Variants in MCCC1 observed in about 807,000 individuals in gnomAD.
MCCC1 encodes the protein methylcrotonoyl-CoA carboxylase subunit alpha, mitochondrial.
MCCC1 carries 64 observed loss-of-function variants against 83.8 expected under a neutral mutation model. That is an observed-to-expected ratio of 0.76 (90% CI 0.62 to 0.94). The LOEUF (loss-of-function observed/expected upper bound fraction) is 0.94, where lower values mean the gene tolerates loss of function less well. Among genes scored for constraint, MCCC1 ranks in the 40% least tolerant of loss-of-function variants. The pLI is 0.00. For missense variants in MCCC1, 807 were observed against 904.7 expected (o/e 0.89, Z 1.39); for synonymous variants, 322 against 315.4 (o/e 1.02, Z -0.22).
chr3:183,057,391 G>A lies in MCCC1; in HGVS notation c.793C>T (p.His265Tyr), dbSNP rs767642062. ...TCAAACAAGTACACAGCATTGCCAT[G>A]GTGATCACCAAACACCTGGACTTCT... ...HVEVQVFGDH[H>Y]GNAVYLFERD... Residue 265 changes from histidine to tyrosine, a missense_variant, in exon 8 of 19, where the codon CAT becomes TAT. His to Tyr is a moderately conservative substitution (Grantham distance 83). Transcript: ENST00000265594. 14 of 1,609,160 alleles carry A rather than the reference G, an allele frequency of 8.7e-6. No homozygotes were observed. In the Admixed American group the frequency reaches 1.5e-4, roughly 17 times the overall value.
intron 7 of MCCC1, among the ~76,000 whole-genome samples, chr3:183,070,742 A>T (rs1002461429): frequency 2.0e-5 from 3 of 152,172 alleles, no homozygotes; most frequent in Non-Finnish European, 4.4e-5. Context: ...CCAAAAAAAA[A>T]AAAAAATTCT....
chr3:183,077,248 T>C (rs1481716112), intron 4 of MCCC1, among the ~76,000 whole-genome samples: 1 of 152,236 alleles, frequency 6.6e-6, no homozygotes, highest in Non-Finnish European at 1.5e-5. Context: ...CTTTTGGGTA[T>C]ATACTGAAGA....
At chr3:183,025,712 C>A (rs1363157294) in intron 15 of MCCC1, 43 bp downstream of exon 15, 2 of 1,565,520 alleles carry the variant, frequency 1.3e-6, no homozygotes, top group Admixed American at 1.7e-5. Flanking sequence ...TAAAAGCGGT[C>A]AGATTCAGCT....
chr3:183,100,930 G>T (rs1230831439), upstream of MCCC1, among the ~76,000 whole-genome samples: 2 of 152,258 alleles, frequency 1.3e-5, no homozygotes, highest in South Asian at 2.1e-4. Context: ...GGCTGTGTGC[G>T]GCACTTGCGG....
chr3:183,036,863 T>C (rs1477555474), intron 13 of MCCC1, among the ~76,000 whole-genome samples: 5 of 149,136 alleles, frequency 3.4e-5, no homozygotes, highest in Admixed American at 2.7e-4. Context: ...TTAGTAGAGA[T>C]GGGGTTTCAC....
upstream of MCCC1, among the ~76,000 whole-genome samples, chr3:183,100,754 C>A (rs1400514455): frequency 6.6e-6 from 1 of 152,262 alleles, no homozygotes; most frequent in African/African-American, 2.4e-5. Context: ...AGAACCCTCG[C>A]TTGCTCTCGG....
At chr3:183,030,593 T>C (rs1712980935) in intron 14 of MCCC1, among the ~76,000 whole-genome samples, 1 of 152,178 alleles carries the variant, frequency 6.6e-6, no homozygotes, top group Non-Finnish European at 1.5e-5. Flanking sequence ...GATTTTCCTC[T>C]CTATCAGTTG....
intron 15 of MCCC1, among the ~76,000 whole-genome samples, chr3:183,023,771 T>C (rs1342738983): frequency 2.0e-5 from 3 of 152,180 alleles, no homozygotes; most frequent in Non-Finnish European, 4.4e-5. Context: ...AAGTTGTACC[T>C]TACTATAGGA....
At chr3:183,033,927 T>C in intron 14 of MCCC1, 64 bp downstream of exon 14, 2 of 1,312,034 alleles carry the variant, frequency 1.5e-6, no homozygotes, top group Non-Finnish European at 2.2e-6. Context: ...TGGAATCCTC[T>C]TTTTCAGATT....
At chr3:183,084,776 G>C (rs1253454485) in intron 4 of MCCC1, among the ~76,000 whole-genome samples, 1 of 152,060 alleles carries the variant, frequency 6.6e-6, no homozygotes, top group African/African-American at 2.4e-5. Flanking sequence ...TAAAAAATCA[G>C]CTGGGCATGG....
chr3:183,085,892 A>G (rs529023413), intron 4 of MCCC1, among the ~76,000 whole-genome samples: 112 of 152,286 alleles, frequency 7.4e-4, no homozygotes, highest in African/African-American at 2.6e-3. Flanking sequence ...CATTGGTTCC[A>G]GTCTTCAGGT....
chr3:183,067,181 A>G (rs1415793226), intron 7 of MCCC1, among the ~76,000 whole-genome samples: 2 of 152,222 alleles, frequency 1.3e-5, no homozygotes, highest in Non-Finnish European at 2.9e-5. Context: ...CCTTGTCTAC[A>G]CAGTCTCTAT....
At chr3:183,056,111 A>G (rs995388526) in intron 8 of MCCC1, among the ~76,000 whole-genome samples, 2 of 152,190 alleles carry the variant, frequency 1.3e-5, no homozygotes. Flanking sequence ...AGTGCTATAC[A>G]GATATAAATT....
In MCCC1 at chr3:183,057,382, C is replaced by T. The variant is rs771024668; in HGVS notation, c.802G>A (p.Ala268Thr). The change falls in exon 8 of 19, where the codon GCT becomes ACT. Residue 268 changes from alanine (A) to threonine (T), a missense_variant. Coordinates refer to ENST00000265594, the MANE Select transcript of MCCC1 (RefSeq NM_020166.5). The part of the protein sequence containing the change: ...VQVFGDHHGN[A>T]VYLFERDCSV... ...CAGTCTCTTTCAAACAAGTACACAGCATTGCCATGGTGATCACCAAACACC... is the reference window on the plus strand; with the variant it reads ...CAGTCTCTTTCAAACAAGTACACAGTATTGCCATGGTGATCACCAAACACC... 11 of 1,610,302 alleles carry T rather than the reference C, an allele frequency of 6.8e-6. No individual in the cohort carries two copies. The African/African-American group carries it at 1.5e-4, about 22-fold the overall frequency.
chr3:183,099,539 C>T, upstream of MCCC1: 1 of 1,419,664 alleles, frequency 7.0e-7, no homozygotes, highest in Non-Finnish European at 9.7e-7. Context: ...GTGACCCCCG[C>T]CGGCCACCGT....
chr3:183,044,619 G>A (rs935519111), intron 10 of MCCC1, among the ~76,000 whole-genome samples: 2 of 152,118 alleles, frequency 1.3e-5, no homozygotes, highest in Non-Finnish European at 2.9e-5. Flanking sequence ...GAAACCGAAT[G>A]ATGGCCTGGC....
At chr3:183,042,148 G>A (rs2108480450) in intron 10 of MCCC1, among the ~76,000 whole-genome samples, 1 of 152,202 alleles carries the variant, frequency 6.6e-6, no homozygotes, top group African/African-American at 2.4e-5. Flanking sequence ...TATTATTAGT[G>A]TTTAGGACTA....
chr3:183,110,261 T>A (rs1372805004), intron 1 of MCCC1, among the ~76,000 whole-genome samples: 2 of 152,210 alleles, frequency 1.3e-5, no homozygotes. Flanking sequence ...AGGTCCTACC[T>A]GTCGATGTTT....
intron 7 of MCCC1, among the ~76,000 whole-genome samples, chr3:183,065,478 CTTTAATTTATGTGA>C (rs1297254182): frequency 6.6e-6 from 1 of 152,142 alleles, no homozygotes; most frequent in Non-Finnish European, 1.5e-5. Context: ...AGTATAATGC[CTTTAATTTATGTGA>C]TTTAAGTAAT....
Sources: allele counts gnomAD v4.1 joint callset (sites outside exome capture counted in the v4.1 genomes callset), GRCh38; gene constraint gnomAD v4.1.1; transcripts MANE v1.5; gene names NCBI Gene and HGNC (gene_info 2026-07-23, HGNC 2026-07-21).